ADA2: variants seen among roughly 807,000 people sequenced by gnomAD.
ADA2 encodes adenosine deaminase CECR1.
In ADA2, 29 loss-of-function variants were observed where a neutral mutation model predicts 44.2. The observed-to-expected ratio is 0.66, with a 90% CI of 0.49 to 0.89. The LOEUF is 0.89. Among genes scored for constraint, ADA2 ranks in the 40% least tolerant of loss-of-function variants. ADA2 has a pLI of 0.00. For synonymous variants in ADA2, 215 were observed against 234.9 expected (o/e 0.92, Z 0.77); for missense variants, 637 against 644.8 (o/e 0.99, Z 0.13).
intron 7 of ADA2, among the ~76,000 whole-genome samples, chr22:17,186,253 T>C (rs879815274): frequency 1.3e-5 from 2 of 152,170 alleles, no homozygotes; most frequent in Non-Finnish European, 2.9e-5. Context: ...ACTCGGAGGA[T>C]GGAGAGCGTC....
intron 4 of ADA2, chr22:17,198,586 T>A (rs1372449326): frequency 3.9e-5 from 6 of 152,182 alleles, no homozygotes; most frequent in African/African-American, 1.4e-4. Context: ...CAGGGAGCAC[T>A]AGAAATGCTT....
intron 1 of ADA2, among the ~76,000 whole-genome samples, chr22:17,218,705 T>TA (rs753680960): frequency 5.8e-4 from 89 of 152,226 alleles, no homozygotes; most frequent in Non-Finnish European, 6.3e-4. Context: ...GAAGTTTATC[T>TA]AATGGTGGTC....
Position 17,180,336 on chromosome 22 carries a change from G to A in ADA2, c.*1147C>T, listed in dbSNP as rs1004316071. 2 of 152,286 alleles carry A rather than the reference G, an allele frequency of 1.3e-5. No individual in the cohort carries two copies. Among genetic ancestry groups the A allele is most frequent in the African/African-American group, 2.4e-5 (1 of 41,434 alleles). The allele number at this position is 152,286 out of a possible 1,614,324, so 9.4% of individuals were successfully genotyped here. On this transcript the variant is annotated 3_prime_UTR_variant, in exon 10 of 10. Transcript: ENST00000399837. Reference sequence around the variant, plus strand: ...GGATGCATTCTGATGTAGGGAGTGGGGGACCGCGCAGCATCAAGAAGCCAC... The same window carrying A: ...GGATGCATTCTGATGTAGGGAGTGGAGGACCGCGCAGCATCAAGAAGCCAC...
intron 7 of ADA2, among the ~76,000 whole-genome samples, chr22:17,183,814 T>C (rs1338389952): frequency 1.3e-5 from 2 of 152,070 alleles, no homozygotes; most frequent in Admixed American, 6.6e-5. Context: ...GGTTCTCTTA[T>C]TGACAACATC....
In ADA2 at chr22:17,209,668, C is replaced by T. The variant is rs370257828; in HGVS notation, c.10G>A (p.Asp4Asn). Residue 4 changes from aspartate to asparagine, a missense_variant, in exon 2 of 10, where the codon GAT becomes AAT. Asp to Asn is a conservative substitution (Grantham distance 23, BLOSUM62 1). Transcript: ENST00000399837. ...AGGGCTGGCCGCTCAGATGGGCCAT[C>T]CACCAACATCGGGATGCCTGGACTA... is the stretch of plus-strand genomic sequence containing the variant. MLV[D>N]GPSERPALCF... 1.7e-5 allele frequency: 27 copies of T among 1,611,754 alleles called. No individual in the cohort carries two copies. The East Asian group carries it at 3.8e-4, about 23-fold the overall frequency.
chr22:17,199,422 C>CTCCCCTCCTCTATCCTCTTCCCCTCCA, intron 4 of ADA2: 2 of 960,206 alleles, frequency 2.1e-6, no homozygotes, highest in African/African-American at 1.6e-5. Context: ...CGTCTCCTCC[C>CTCCCCTCCTCTATCCTCTTCCCCTCCA]TCCCCTCCTC....
chr22:17,185,892 C>T (rs577746315), intron 7 of ADA2, among the ~76,000 whole-genome samples: 5 of 152,298 alleles, frequency 3.3e-5, no homozygotes, highest in South Asian at 4.1e-4. Context: ...CTCCTGGTCC[C>T]GGCCTCCATG....
chr22:17,220,254 G>A (rs1414223366), upstream of ADA2, among the ~76,000 whole-genome samples: 2 of 152,156 alleles, frequency 1.3e-5, no homozygotes, highest in Non-Finnish European at 2.9e-5. Context: ...CAGGAGGTAG[G>A]AGACAAGAGC....
intron 1 of ADA2, among the ~76,000 whole-genome samples, chr22:17,216,731 G>T (rs1234564425): frequency 1.4e-5 from 2 of 147,172 alleles, no homozygotes; most frequent in African/African-American, 5.1e-5. Context: ...CTGCACTCCA[G>T]CCCGGCAACA....
Position 17,191,788 on chromosome 22 carries a change from T to C in ADA2, c.776A>G (p.His259Arg). 1 of 1,613,652 alleles carries C rather than the reference T, an allele frequency of 6.2e-7. No homozygotes were observed. ...CTTCACTGACCACTCTTCGTCATGG[T>C]GCTCTCCACTGAGCTCATACACCTG... ...LLPVYELSGE[H>R]HDEEWSVKTY... The change falls in exon 5 of 10, where the codon CAC becomes CGC. Residue 259 changes from histidine (H) to arginine (R), a missense_variant. Physicochemically the swap from His to Arg is conservative, Grantham distance 29 (BLOSUM62 0). Coordinates refer to ENST00000399837, the MANE Select transcript of ADA2 (RefSeq NM_001282225.2).
chr22:17,195,993 C>T (rs2062185846), intron 4 of ADA2, among the ~76,000 whole-genome samples: 1 of 151,900 alleles, frequency 6.6e-6, no homozygotes, highest in South Asian at 2.1e-4. Flanking sequence ...ATGATCTGCT[C>T]GCCTCAGCCT....
intron 7 of ADA2, among the ~76,000 whole-genome samples, chr22:17,186,138 A>C (rs916023614): frequency 1.3e-5 from 2 of 152,168 alleles, no homozygotes; most frequent in Non-Finnish European, 2.9e-5. Context: ...ATAATGCGGG[A>C]CAGAACATCC....
At chr22:17,212,402 G>A (rs1333689424) in intron 1 of ADA2, among the ~76,000 whole-genome samples, 1 of 151,992 alleles carries the variant, frequency 6.6e-6, no homozygotes, top group African/African-American at 2.4e-5. Flanking sequence ...CTCCTGAGTA[G>A]CTGGGACTAC....
intron 7 of ADA2, among the ~76,000 whole-genome samples, chr22:17,184,384 G>A (rs1231423733): frequency 6.6e-6 from 1 of 152,084 alleles, no homozygotes; most frequent in Admixed American, 6.6e-5. Context: ...ATTTGTTGGG[G>A]AGCTTTGGGG....
At chr22:17,205,392 G>T (rs1486305439) in intron 3 of ADA2, among the ~76,000 whole-genome samples, 1 of 152,146 alleles carries the variant, frequency 6.6e-6, no homozygotes, top group African/African-American at 2.4e-5. Context: ...AGGATTACAG[G>T]CATGACCCAG....
In ADA2 at chr22:17,209,382, A is replaced by G; in HGVS notation, c.296T>C (p.Phe99Ser). The part of the protein sequence containing the change: ...AKHLIERSQV[F>S]NILRMMPKGA... Reference sequence around the variant, plus strand: ...TTTTGGCATCATCCTTAGAATATTAAACACTTGACTTCTCTCAATGAGATG... The same window carrying G: ...TTTTGGCATCATCCTTAGAATATTAGACACTTGACTTCTCTCAATGAGATG... Residue 99 changes from phenylalanine (F) to serine (S), a missense_variant, in exon 2 of 10, where the codon TTT (phenylalanine) becomes TCT (serine). Coordinates refer to ENST00000399837, the MANE Select transcript of ADA2 (RefSeq NM_001282225.2). The G allele has an allele frequency of 6.2e-7, 1 of 1,613,942 alleles. No individual in the cohort carries two copies. The highest frequency in any genetic ancestry group is 8.5e-7 in the Non-Finnish European group (1 of 1,179,994).
chr22:17,181,202 G>T lies in ADA2; in HGVS notation c.*281C>A. ...AGAAGAGAGCCCAGGACTGAGTCCT[G>T]AGGAAACAGCACAGAGATCAGAGAG... is the stretch of plus-strand genomic sequence containing the variant. On this transcript the variant is annotated 3_prime_UTR_variant, in exon 10 of 10. Coordinates refer to ENST00000399837, the MANE Select transcript of ADA2 (RefSeq NM_001282225.2). The T allele has an allele frequency of 2.6e-6, 1 of 378,148 alleles. No homozygotes were observed. The highest frequency in any genetic ancestry group is 4.9e-6 in the Non-Finnish European group (1 of 204,726). The allele number at this position is 378,148 out of a possible 1,614,324, so 23.4% of individuals were successfully genotyped here.
chr22:17,190,204 C>G (rs1237010324), intron 5 of ADA2, among the ~76,000 whole-genome samples, 172 bp from the exon 6 acceptor site: 3 of 152,214 alleles, frequency 2.0e-5, no homozygotes, highest in Non-Finnish European at 4.4e-5. Context: ...ATTGTGATCC[C>G]TGAGAGATAT....
In ADA2 at chr22:17,181,235, G is replaced by A. The variant is rs2061964733; in HGVS notation, c.*248C>T. ...AGCACAGAGATCAGAGAGAGGAGAA[G>A]ACTCTGAAATAGGGAAACTGGAAGA... On this transcript the variant is annotated 3_prime_UTR_variant, in exon 10 of 10. Transcript: ENST00000399837. 1 of 465,614 alleles carries A rather than the reference G, an allele frequency of 2.1e-6. No individual in the cohort carries two copies. Among genetic ancestry groups the A allele is most frequent in the Admixed American group, 3.5e-5 (1 of 28,560 alleles). The allele number at this position is 465,614 out of a possible 1,614,324, so 28.8% of individuals were successfully genotyped here.
Sources: gnomAD v4.1 joint callset for allele counts (sites outside exome capture counted in the v4.1 genomes callset) on GRCh38, gnomAD v4.1.1 for gene constraint, MANE v1.5 for transcripts, NCBI Gene and HGNC (gene_info 2026-07-23, HGNC 2026-07-21) for gene names.